Variants in DNAH14 observed in about 807,000 individuals in gnomAD.
DNAH14 encodes axonemal beta dynein heavy chain 14.
A neutral mutation model predicts 520.9 loss-of-function variants in DNAH14; 478 were observed. The ratio of observed to expected loss-of-function variants is 0.92; its 90% CI spans 0.85 to 0.99. The LOEUF (loss-of-function observed/expected upper bound fraction) is 0.99, where lower values mean the gene tolerates loss of function less well. Among genes scored for constraint, DNAH14 ranks in the 50% least tolerant of loss-of-function variants. DNAH14 has a pLI of 0.00. For missense variants in DNAH14, 4,831 were observed against 5,234.5 expected (o/e 0.92, Z 2.38); for synonymous variants, 1,581 against 1,757.2 (o/e 0.90, Z 2.51).
intron 8 of DNAH14, 30 bp from the exon 9 acceptor site, chr1:225,002,753 A>G: frequency 1.3e-6 from 2 of 1,538,204 alleles, no homozygotes; most frequent in Non-Finnish European, 1.8e-6. Context: ...TGAATGAGAG[A>G]TATATCTGTA....
intron 54 of DNAH14, among the ~76,000 whole-genome samples, chr1:225,286,365 T>G (rs2093743355): frequency 6.6e-6 from 1 of 152,184 alleles, no homozygotes; most frequent in Non-Finnish European, 1.5e-5. Flanking sequence ...TCCAATTTGA[T>G]TATTATACAT....
Position 225,303,216 on chromosome 1 carries a change from C to G in DNAH14, c.8692C>G (p.Gln2898Glu). ...GAGTCCTGAAGGACCTAGCTTCCGC[C>G]AAAATTGTAGAGTGTATCCTTCTAT... Reference protein sequence around the residue: ...IMSPEGPSFRQNCRVYPSMIS... With the variant: ...IMSPEGPSFRENCRVYPSMIS... Residue 2898 changes from glutamine to glutamate, a missense_variant, in exon 57 of 86, where the codon CAA becomes GAA. Transcript: ENST00000682510. The G allele has an allele frequency of 6.5e-7, 1 of 1,541,854 alleles. No individual in the cohort carries two copies. The highest frequency in any genetic ancestry group is 8.7e-7 in the Non-Finnish European group (1 of 1,143,308).
rs57900981 is a variant in DNAH14, at chr1:225,086,990, C to CCACACACA, written c.3573+1240_3573+1247dup. Among the ~76,000 whole-genome samples the CCACACACA allele has an allele frequency of 1.0e-3, 147 of 146,872 alleles. No individual in the cohort carries two copies. In the East Asian group the frequency reaches 0.011, roughly 11 times the overall value. Reference sequence around the variant, plus strand: ...CACATTCAAGAAGCTGAAAAGAACACCACACACACACACACACACACACAC... The same window carrying CCACACACA: ...CACATTCAAGAAGCTGAAAAGAACACCACACACACACACACACACACACACACACACAC... On this transcript the variant is annotated intron_variant, in intron 21 of 85. Transcript: ENST00000682510.
At chr1:225,246,609 C>G (rs1424708381) in intron 43 of DNAH14, among the ~76,000 whole-genome samples, 1 of 152,066 alleles carries the variant, frequency 6.6e-6, no homozygotes, top group Non-Finnish European at 1.5e-5. Flanking sequence ...ATTTATGTGG[C>G]CAACAAACAT....
intron 36 of DNAH14, among the ~76,000 whole-genome samples, chr1:225,169,902 C>G (rs899644814): frequency 6.6e-6 from 1 of 152,182 alleles, no homozygotes; most frequent in African/African-American, 2.4e-5. Context: ...GGAAGCCCAT[C>G]AGACTAACAG....
intron 23 of DNAH14, among the ~76,000 whole-genome samples, chr1:225,115,883 A>G (rs1185944241): frequency 6.6e-6 from 1 of 152,216 alleles, no homozygotes; most frequent in African/African-American, 2.4e-5. Context: ...CTCAAAATCT[A>G]TTTTAGGAGA....
Position 225,388,467 on chromosome 1 carries a change from T to C in DNAH14, c.13166T>C (p.Val4389Ala). The C allele has an allele frequency of 6.5e-7, 1 of 1,528,640 alleles. No homozygotes were observed. Among genetic ancestry groups the C allele is most frequent in the Non-Finnish European group, 8.9e-7 (1 of 1,128,196 alleles). The allele number at this position is 1,528,640 out of a possible 1,614,324, so 94.7% of individuals were successfully genotyped here. A position where few individuals can be genotyped will look rare whatever the true frequency, so the allele number is the denominator to read the frequency against. Residue 4389 changes from valine to alanine, a missense_variant, in exon 82 of 86, where the codon GTG (valine) becomes GCG (alanine). By Grantham distance (64) the Val-to-Ala change is moderately conservative. Coordinates refer to ENST00000682510, the MANE Select transcript of DNAH14 (RefSeq NM_001367479.1). ...AATTTCTTCAATACTTGGGCCAAAG[T>C]GGCTTATACTGCAATACAGCGTCGG... is the stretch of plus-strand genomic sequence containing the variant. ...RLNFFNTWAK[V>A]AYTAIQRRYM...
chr1:224,985,939 A>G (rs1473040894), intron 8 of DNAH14, among the ~76,000 whole-genome samples: 1 of 152,080 alleles, frequency 6.6e-6, no homozygotes, highest in Non-Finnish European at 1.5e-5. Flanking sequence ...TCTAAGAGTT[A>G]TTGGCCTTAA....
At chr1:225,369,099 C>T (rs191489199) in intron 77 of DNAH14, among the ~76,000 whole-genome samples, 1 of 151,262 alleles carries the variant, frequency 6.6e-6, no homozygotes, top group East Asian at 1.9e-4. Flanking sequence ...AAATAAAAGT[C>T]ACCTTTAATA....
intron 35 of DNAH14, among the ~76,000 whole-genome samples, chr1:225,163,559 C>G (rs550509420): frequency 1.4e-4 from 22 of 152,210 alleles, no homozygotes; most frequent in Non-Finnish European, 2.5e-4. Flanking sequence ...GGATTTTTAT[C>G]CAGAAGGATG....
chr1:224,967,069 A>G (rs1345787351), intron 5 of DNAH14, among the ~76,000 whole-genome samples: 2 of 152,184 alleles, frequency 1.3e-5, no homozygotes, highest in Non-Finnish European at 2.9e-5. Flanking sequence ...CAAATTTAAT[A>G]TGCCCAAAAG....
At chr1:224,932,929 A>G (rs1479180233) in intron 1 of DNAH14, among the ~76,000 whole-genome samples, 1 of 151,916 alleles carries the variant, frequency 6.6e-6, no homozygotes, top group Admixed American at 6.6e-5. Flanking sequence ...TTTTTATTCC[A>G]TATGAATTTG....
intron 21 of DNAH14, among the ~76,000 whole-genome samples, chr1:225,095,472 G>A (rs1028191313): frequency 1.3e-5 from 2 of 152,096 alleles, no homozygotes; most frequent in Admixed American, 6.6e-5. Flanking sequence ...CACGAAGAAT[G>A]GAACAACAGA....
At chr1:225,039,340 C>G (rs999878554) in intron 12 of DNAH14, among the ~76,000 whole-genome samples, 1 of 152,080 alleles carries the variant, frequency 6.6e-6, no homozygotes, top group African/African-American at 2.4e-5. Flanking sequence ...GTGTTCTTAA[C>G]TTAAAAATGG....
chr1:224,971,354 C>A (rs2061491880), intron 7 of DNAH14, among the ~76,000 whole-genome samples: 1 of 151,872 alleles, frequency 6.6e-6, no homozygotes, highest in African/African-American at 2.4e-5. Context: ...AACTAAGGAC[C>A]TGAGAAACTT....
At position 225,374,569 on chromosome 1, in the gene DNAH14, T is replaced by C. The variant is rs1236999753; in HGVS notation, c.12319-119T>C. 5.1e-6 allele frequency: 5 copies of C among 978,098 alleles called. No individual in the cohort carries two copies. The Admixed American group carries it at 1.5e-4, about 29-fold the overall frequency. 60.6% of individuals were successfully genotyped at this position (978,098 alleles called of 1,614,324 possible). On this transcript the variant is annotated intron_variant, in intron 77 of 85. Transcript: ENST00000682510. The stretch of plus-strand genomic sequence containing the variant: ...AGCCACTGCACCTGGCCTATTTCTA[T>C]ATATTTTTTAAAGAGAAAATATATG...
At chr1:225,147,272 C>T in intron 31 of DNAH14, 23 bp downstream of exon 31, 4 of 1,513,816 alleles carry the variant, frequency 2.6e-6, no homozygotes, top group Non-Finnish European at 3.5e-6. Context: ...TGTGTTTATA[C>T]CTTTTGAATT....
intron 4 of DNAH14, among the ~76,000 whole-genome samples, chr1:224,960,582 T>C (rs1044203977): frequency 7.2e-5 from 11 of 152,154 alleles, no homozygotes; most frequent in Non-Finnish European, 1.6e-4. Flanking sequence ...CTGTATGGTT[T>C]TTTACATACA....
rs187562462 is a variant in DNAH14, at chr1:224,934,276, A to C, written c.-34+4441A>C. Reference sequence around the variant, plus strand: ...TACAAGAGGATTGTTAAAAAATACAAATAAATCAGAAGAATAATTTAGGAC... The same window carrying C: ...TACAAGAGGATTGTTAAAAAATACACATAAATCAGAAGAATAATTTAGGAC... On this transcript the variant is annotated intron_variant, in intron 1 of 85. Transcript: ENST00000682510. Among the ~76,000 whole-genome samples the C allele has an allele frequency of 5.0e-3, 765 of 152,126 alleles. 7 individuals carry two copies. The highest frequency in any genetic ancestry group is 6.4e-3 in the Non-Finnish European group (432 of 67,874).
Sources: allele counts gnomAD v4.1 joint callset (sites outside exome capture counted in the v4.1 genomes callset), GRCh38; gene constraint gnomAD v4.1.1; transcripts MANE v1.5; gene names NCBI Gene and HGNC (gene_info 2026-07-23, HGNC 2026-07-21).